Variants in PTPN12 observed in about 807,000 individuals in gnomAD.
PTPN12 encodes the protein protein tyrosine phosphatase non-receptor type 12.
PTPN12 carries 29 observed loss-of-function variants against 97.6 expected under a neutral mutation model. The ratio of observed to expected loss-of-function variants is 0.30; its 90% CI spans 0.22 to 0.41. The LOEUF (loss-of-function observed/expected upper bound fraction) is 0.41. PTPN12 is among the 10% of genes least tolerant of loss of function. PTPN12 has a pLI of 1.00. For missense variants in PTPN12, 819 were observed against 926.0 expected, an observed-to-expected ratio of 0.88 and a Z score of 1.50; for synonymous variants, 327 against 300.4, an observed-to-expected ratio of 1.09 and a Z score of -0.91.
At chr7:77,638,139 T>C (rs576318828) in intron 16 of PTPN12, among the ~76,000 whole-genome samples, 3 of 151,464 alleles carry the variant, frequency 2.0e-5, no homozygotes, top group East Asian at 4.0e-4. Context: ...TTTGTATTTT[T>C]AGTAGAGACG....
At chr7:77,613,611 T>A (rs1262408322) in intron 11 of PTPN12, among the ~76,000 whole-genome samples, 1 of 151,916 alleles carries the variant, frequency 6.6e-6, no homozygotes, top group East Asian at 2.0e-4. Context: ...CCCAGCACTT[T>A]GGGAGGCCGA....
chr7:77,603,883 C>CTTTTT lies in PTPN12; in HGVS notation c.695+3096_695+3100dup, dbSNP rs773037726. 2.1e-3 allele frequency among the ~76,000 whole-genome samples: 188 copies of CTTTTT among 87,858 alleles called. 10 individuals carry two copies. The highest frequency in any genetic ancestry group is 5.9e-3 in the African/African-American group (118 of 19,894). 57.6% of individuals were successfully genotyped at this position (87,858 alleles called of 152,430 possible). A position where few individuals can be genotyped will look rare whatever the true frequency, so the allele number is the denominator to read the frequency against. On this transcript the variant is annotated intron_variant, in intron 8 of 17. Transcript: ENST00000248594. ...ATACTGTGTGTTATCTTTTTGTTTG[C>CTTTTT]TTTTTTTTTTTTTTTTTTTTTTTGA...
chr7:77,544,520 T>C (rs879299554), intron 1 of PTPN12, among the ~76,000 whole-genome samples: 1 of 152,258 alleles, frequency 6.6e-6, no homozygotes, highest in Non-Finnish European at 1.5e-5. Flanking sequence ...TTATTTACTT[T>C]CAAAATATAT....
chr7:77,566,580 G>T (rs769043914), intron 1 of PTPN12, among the ~76,000 whole-genome samples: 4 of 152,108 alleles, frequency 2.6e-5, no homozygotes, highest in Non-Finnish European at 5.9e-5. Flanking sequence ...TTAGCCAGGC[G>T]TGGCGGTGCG....
At chr7:77,596,171 G>C (rs544006097) in intron 6 of PTPN12, among the ~76,000 whole-genome samples, 30 of 152,170 alleles carry the variant, frequency 2.0e-4, no homozygotes, top group Non-Finnish European at 3.4e-4. Flanking sequence ...TAAGTAATTC[G>C]TTTAGACACT....
At chr7:77,625,472 G>GCTCGCTCTCTCTCTCTCTCTCTCTCTCT in intron 12 of PTPN12, among the ~76,000 whole-genome samples, 3 of 33,522 alleles carry the variant, frequency 8.9e-5, no homozygotes, top group Non-Finnish European at 1.5e-4. Flanking sequence ...CAGGCTGCTC[G>GCTCGCTCTCTCTCTCTCTCTCTCTCTCT]CTCTCTCTCT....
At chr7:77,540,759 C>T (rs1368330759) in intron 1 of PTPN12, among the ~76,000 whole-genome samples, 1 of 151,374 alleles carries the variant, frequency 6.6e-6, no homozygotes, top group African/African-American at 2.4e-5. Context: ...CTATGTTCTC[C>T]TGGCATGGAA....
Position 77,629,073 on chromosome 7 carries a change from C to T in PTPN12, c.1996+1398C>T, listed in dbSNP as rs373464166. ...CAAGGAATTCTCCTGCCTCATCCTC[C>T]CTAGTAGTTGGGAATACAGGCATGC... On this transcript the variant is annotated intron_variant, in intron 13 of 17. Transcript: ENST00000248594. Among the ~76,000 whole-genome samples, 9 of 152,238 alleles carry T rather than the reference C, an allele frequency of 5.9e-5. No individual in the cohort carries two copies. In the South Asian group the frequency reaches 1.4e-3, roughly 24 times the overall value.
chr7:77,546,120 T>TG (rs1807210914), intron 1 of PTPN12, among the ~76,000 whole-genome samples: 1 of 152,054 alleles, frequency 6.6e-6, no homozygotes, highest in Non-Finnish European at 1.5e-5. Context: ...TTAGTAGAGA[T>TG]GGGGTTTCAC....
intron 12 of PTPN12, among the ~76,000 whole-genome samples, chr7:77,622,953 A>G (rs1338529434): frequency 1.3e-5 from 2 of 151,676 alleles, no homozygotes; most frequent in African/African-American, 4.8e-5. Flanking sequence ...AAGCAAAACT[A>G]GAAGATCTGT....
intron 1 of PTPN12, among the ~76,000 whole-genome samples, chr7:77,541,501 G>A (rs1018947944): frequency 3.3e-5 from 5 of 152,156 alleles, no homozygotes; most frequent in African/African-American, 1.2e-4. Flanking sequence ...CATTTTTGCT[G>A]AAACTGACAT....
At chr7:77,605,872 C>T (rs116883890) in intron 8 of PTPN12, among the ~76,000 whole-genome samples, 2,769 of 149,442 alleles carry the variant, frequency 0.019, 34 homozygotes, top group Middle Eastern at 0.074. Flanking sequence ...TTATAGCATT[C>T]TTCACCTTTC....
intron 12 of PTPN12, among the ~76,000 whole-genome samples, chr7:77,624,242 A>G (rs1243160426): frequency 6.6e-6 from 1 of 151,778 alleles, no homozygotes; most frequent in Non-Finnish European, 1.5e-5. Flanking sequence ...ACTCCAGCCC[A>G]GGTGGCAGAG....
intron 12 of PTPN12, among the ~76,000 whole-genome samples, chr7:77,623,437 A>G (rs1484405314): frequency 6.6e-6 from 1 of 152,266 alleles, no homozygotes; most frequent in Non-Finnish European, 1.5e-5. Flanking sequence ...GAGGCCGGGC[A>G]TGGTGTTTCA....
rs933978784 is a variant in PTPN12, at chr7:77,610,419, G to A, written c.763-346G>A. 2.2e-4 allele frequency among the ~76,000 whole-genome samples: 34 copies of A among 152,136 alleles called. 1 individual carries two copies. The highest frequency in any genetic ancestry group is 2.2e-3 in the Admixed American group (33 of 15,268). ...CCCACATAGATTATACATTGAATCT[G>A]CTGTGCTTATGTATATTTCCTTCAC... On this transcript the variant is annotated intron_variant, in intron 9 of 17. Coordinates refer to ENST00000248594, the MANE Select transcript of PTPN12 (RefSeq NM_002835.4).
intron 1 of PTPN12, among the ~76,000 whole-genome samples, chr7:77,551,768 A>G (rs1364789972): frequency 6.6e-6 from 1 of 152,214 alleles, no homozygotes; most frequent in Non-Finnish European, 1.5e-5. Flanking sequence ...TTGTTCTGAT[A>G]GGGGCTCTTT....
intron 5 of PTPN12, among the ~76,000 whole-genome samples, chr7:77,588,723 A>G (rs1484128662): frequency 6.6e-6 from 1 of 152,216 alleles, no homozygotes; most frequent in Non-Finnish European, 1.5e-5. Context: ...GTTACTTAGT[A>G]AACTTCAAAT....
intron 1 of PTPN12, chr7:77,538,050 C>T (rs1251141125): frequency 4.0e-6 from 4 of 1,002,382 alleles, no homozygotes; most frequent in East Asian, 1.1e-4. Flanking sequence ...GGCAAGGTAT[C>T]TGGCTGTGAC....
At chr7:77,617,675 G>A (rs1788798448) in intron 11 of PTPN12, among the ~76,000 whole-genome samples, 1 of 152,078 alleles carries the variant, frequency 6.6e-6, no homozygotes, top group South Asian at 2.1e-4. Context: ...CCTCTCTTCT[G>A]GACATAACAT....
Sources: gnomAD v4.1 joint callset for allele counts (sites outside exome capture counted in the v4.1 genomes callset) on GRCh38, gnomAD v4.1.1 for gene constraint, MANE v1.5 for transcripts, NCBI Gene and HGNC (gene_info 2026-07-23, HGNC 2026-07-21) for gene names.